The following PSG11 variants were observed in gnomAD, a reference collection of about 807,000 sequenced individuals.
PSG11 encodes the protein pregnancy specific beta-1-glycoprotein 11.
Under a neutral mutation model 36.0 loss-of-function variants are expected in PSG11, and 42 were observed. That is an observed-to-expected ratio of 1.17 (90% CI 0.91 to 1.51). The LOEUF (loss-of-function observed/expected upper bound fraction) is 1.51, where lower values mean the gene tolerates loss of function less well. Ranked by LOEUF, PSG11 falls within the 40% of genes most tolerant of loss-of-function variation. PSG11 has a pLI of 0.00. For missense variants in PSG11, 558 were observed against 403.5 expected, an observed-to-expected ratio of 1.38 and a Z score of -3.28; for synonymous variants, 206 against 153.5, an observed-to-expected ratio of 1.34 and a Z score of -2.53.
chr19:43,019,117 C>T (rs1190337591), intron 2 of PSG11, 69 bp from the exon 3 acceptor site: 2 of 1,569,046 alleles, frequency 1.3e-6, no homozygotes, highest in East Asian at 4.5e-5. Context: ...ATTTTTCAAT[C>T]AGAATTGGCA....
intron 2 of PSG11, among the ~76,000 whole-genome samples, chr19:43,022,224 C>CCCCAG (rs1024579992): frequency 1.3e-5 from 2 of 151,464 alleles, no homozygotes; most frequent in African/African-American, 4.9e-5. Flanking sequence ...AAATTTGTAA[C>CCCCAG]TAATTGCTCC....
intron 3 of PSG11, among the ~76,000 whole-genome samples, chr19:43,018,085 A>G (rs1967009652): frequency 1.3e-5 from 2 of 151,240 alleles, no homozygotes; most frequent in African/African-American, 2.4e-5. Flanking sequence ...CCTGGAAAAC[A>G]TAGTGCCAAT....
At chr19:43,015,503 A>G (rs1966940067) in intron 3 of PSG11, 133 bp from the exon 4 acceptor site, 2 of 1,354,502 alleles carry the variant, frequency 1.5e-6, no homozygotes, top group East Asian at 2.3e-5. Flanking sequence ...CTCTATGTTC[A>G]CTGAGCTGAA....
intron 3 of PSG11, 163 bp downstream of exon 3, chr19:43,018,607 C>T (rs539027260): frequency 6.6e-7 from 1 of 1,512,818 alleles, no homozygotes; most frequent in African/African-American, 1.4e-5. Flanking sequence ...TGGATCAAGC[C>T]TAGGCCTACT....
At chr19:43,011,194 C>T (rs1259668289) in intron 4 of PSG11, among the ~76,000 whole-genome samples, 9 of 151,092 alleles carry the variant, frequency 6.0e-5, no homozygotes, top group Non-Finnish European at 1.3e-4. Context: ...CTGTATGTGG[C>T]ATCTTGTTTC....
intron 2 of PSG11, among the ~76,000 whole-genome samples, chr19:43,023,867 A>T (rs1317351003): frequency 6.6e-6 from 1 of 151,254 alleles, no homozygotes; most frequent in East Asian, 1.9e-4. Context: ...CAGTCACCTG[A>T]CCTAATGCTT....
intron 3 of PSG11, 116 bp downstream of exon 3, chr19:43,018,654 G>C: frequency 6.3e-7 from 1 of 1,598,326 alleles, no homozygotes; most frequent in African/African-American, 1.3e-5. Flanking sequence ...GGCCAGCTTT[G>C]ATGTCCAGTG....
chr19:43,021,472 C>T (rs1967100456), intron 2 of PSG11, among the ~76,000 whole-genome samples: 1 of 151,374 alleles, frequency 6.6e-6, no homozygotes, highest in African/African-American at 2.4e-5. Context: ...CTGCCTCGAC[C>T]TCCCAAGTAG....
chr19:43,022,380 A>C (rs1967122012), intron 2 of PSG11, among the ~76,000 whole-genome samples: 1 of 151,172 alleles, frequency 6.6e-6, no homozygotes, highest in African/African-American at 2.4e-5. Flanking sequence ...AGGCAGATTC[A>C]AGCACAAACA....
At chr19:43,013,142 C>A (rs1974116182) in intron 4 of PSG11, among the ~76,000 whole-genome samples, 1 of 151,232 alleles carries the variant, frequency 6.6e-6, no homozygotes, top group Admixed American at 6.6e-5. Flanking sequence ...AATCATAGAT[C>A]TAAATGTGAG....
intron 3 of PSG11, among the ~76,000 whole-genome samples, 178 bp from the exon 4 acceptor site, chr19:43,015,548 C>T (rs1418382887): frequency 1.3e-5 from 2 of 151,356 alleles, no homozygotes; most frequent in Non-Finnish European, 2.9e-5. Flanking sequence ...CCACCACAAG[C>T]TGTGGGCCCC....
At chr19:43,020,522 A>G (rs537003582) in intron 2 of PSG11, among the ~76,000 whole-genome samples, 8 of 151,610 alleles carry the variant, frequency 5.3e-5, no homozygotes, top group East Asian at 3.9e-4. Context: ...AGGAAACATT[A>G]AAATGTTTTC....
chr19:43,018,736 C>G, intron 3 of PSG11, 34 bp downstream of exon 3: 1 of 1,612,054 alleles, frequency 6.2e-7, no homozygotes, highest in East Asian at 2.2e-5. Context: ...TTTGGGATGG[C>G]AGCCTGGCTC....
intron 5 of PSG11, among the ~76,000 whole-genome samples, chr19:43,008,831 C>G (rs1018808199): frequency 4.6e-5 from 7 of 151,238 alleles, no homozygotes; most frequent in Non-Finnish European, 7.4e-5. Context: ...GAAAATCATT[C>G]ATTTAGTTTT....
chr19:43,013,399 C>T (rs1036272157), intron 4 of PSG11, among the ~76,000 whole-genome samples: 1 of 151,290 alleles, frequency 6.6e-6, no homozygotes, highest in Non-Finnish European at 1.5e-5. Context: ...TGAAAAGCTA[C>T]AAGTCAACAA....
chr19:43,020,165 C>G (rs73557632), intron 2 of PSG11, among the ~76,000 whole-genome samples: 1 of 151,132 alleles, frequency 6.6e-6, no homozygotes, highest in East Asian at 1.9e-4. Flanking sequence ...CTAGAGATCT[C>G]CTGTACAGAT....
chr19:43,015,941 T>G, intron 3 of PSG11: 1 of 1,610,018 alleles, frequency 6.2e-7, no homozygotes, highest in Non-Finnish European at 8.5e-7. Flanking sequence ...AGCCACCAAA[T>G]GTAGGCATAG....
At chr19:43,010,420 G>T in intron 4 of PSG11, 9 of 1,519,332 alleles carry the variant, frequency 5.9e-6, no homozygotes, top group Non-Finnish European at 7.2e-6. Flanking sequence ...GATCTCCATG[G>T]CAGGGACCTG....
intron 4 of PSG11, among the ~76,000 whole-genome samples, chr19:43,011,154 A>G (rs1171132869): frequency 6.6e-6 from 1 of 151,108 alleles, no homozygotes; most frequent in African/African-American, 2.4e-5. Flanking sequence ...AATGATGATG[A>G]TAGTAATATA....
Sources: allele counts gnomAD v4.1 joint callset (sites outside exome capture counted in the v4.1 genomes callset), GRCh38; gene constraint gnomAD v4.1.1; transcripts MANE v1.5; gene names NCBI Gene and HGNC (gene_info 2026-07-23, HGNC 2026-07-21).